NCAM1: variants seen among roughly 807,000 people sequenced by gnomAD.
NCAM1 encodes the protein neural cell adhesion molecule 1.
A neutral mutation model predicts 109.8 loss-of-function variants in NCAM1; 14 were observed. The observed-to-expected ratio is 0.13, with a 90% CI of 0.08 to 0.20. The LOEUF (loss-of-function observed/expected upper bound fraction) is 0.20, where lower values mean the gene tolerates loss of function less well. Ranked by LOEUF, NCAM1 falls within the 10% of genes least tolerant of loss-of-function variation. The pLI, the probability that NCAM1 is intolerant of heterozygous loss-of-function variation, is 1.00. For missense variants in NCAM1, 774 were observed against 1,109.9 expected (o/e 0.70, Z 4.30); for synonymous variants, 418 against 442.9 (o/e 0.94, Z 0.70).
At chr11:112,987,003 A>C (rs1472550993) in intron 1 of NCAM1, among the ~76,000 whole-genome samples, 1 of 151,914 alleles carries the variant, frequency 6.6e-6, no homozygotes, top group African/African-American at 2.4e-5. Flanking sequence ...ACTTCAAACC[A>C]TTATTCTTTT....
At chr11:113,091,392 C>T (rs1172340283) in intron 1 of NCAM1, among the ~76,000 whole-genome samples, 2 of 152,122 alleles carry the variant, frequency 1.3e-5, no homozygotes, top group Admixed American at 6.6e-5. Context: ...CGGACACTTG[C>T]TTTTTCTAGG....
rs923562612 is a variant in NCAM1, at chr11:113,252,427, C to T, written c.1829-3450C>T. ...TCTCAAAAAAAAAAAAAAAAAAAGTCATAGGAAGCATTATGTATCCGTCCA... is the reference window on the plus strand; with the variant it reads ...TCTCAAAAAAAAAAAAAAAAAAAGTTATAGGAAGCATTATGTATCCGTCCA... On this transcript the variant is annotated intron_variant, in intron 15 of 19. Transcript: ENST00000316851. Among the ~76,000 whole-genome samples the T allele has an allele frequency of 2.8e-5, 4 of 144,496 alleles. No individual in the cohort carries two copies. The South Asian group carries it at 9.1e-4, about 33-fold the overall frequency. The allele number at this position is 144,496 out of a possible 152,430, so 94.8% of individuals were successfully genotyped here.
At chr11:113,163,846 G>T (rs1942687589) in intron 1 of NCAM1, among the ~76,000 whole-genome samples, 1 of 152,128 alleles carries the variant, frequency 6.6e-6, no homozygotes, top group Non-Finnish European at 1.5e-5. Flanking sequence ...ATGAGAGCTG[G>T]TCTCAACACC....
chr11:113,131,472 GA>G (rs1941377141), intron 1 of NCAM1, among the ~76,000 whole-genome samples: 1 of 152,230 alleles, frequency 6.6e-6, no homozygotes, highest in African/African-American at 2.4e-5. Context: ...GCTTAAAAGA[GA>G]AAGAGGGATG....
intron 14 of NCAM1, among the ~76,000 whole-genome samples, chr11:113,236,080 GACCCACTGCCCTT>G (rs781879987): frequency 3.3e-5 from 5 of 152,276 alleles, no homozygotes; most frequent in South Asian, 4.2e-4. Flanking sequence ...CCTGCAAAGG[GACCCACTGCCCTT>G]ACCTCTTCCC....
chr11:113,004,366 G>A (rs1326146805), intron 1 of NCAM1, among the ~76,000 whole-genome samples: 2 of 152,034 alleles, frequency 1.3e-5, no homozygotes, highest in South Asian at 2.1e-4. Context: ...GGTGGCACGT[G>A]CCTGTAATCC....
chr11:113,204,259 G>A lies in NCAM1; in HGVS notation c.128-27G>A. 3 of 1,573,676 alleles carry A rather than the reference G, an allele frequency of 1.9e-6. No individual in the cohort carries two copies. In the South Asian group the frequency reaches 3.5e-5, roughly 18 times the overall value. On this transcript the variant is annotated intron_variant, in intron 2 of 19. Transcript: ENST00000316851. ...CTTATTAGTCTTTTCGACTTCAGTAGCTTAAAAATAATCTCTTCCTCTTTA... is the reference window on the plus strand; with the variant it reads ...CTTATTAGTCTTTTCGACTTCAGTAACTTAAAAATAATCTCTTCCTCTTTA...
At chr11:113,007,456 G>T (rs1179923495) in intron 1 of NCAM1, among the ~76,000 whole-genome samples, 1 of 152,140 alleles carries the variant, frequency 6.6e-6, no homozygotes, top group Non-Finnish European at 1.5e-5. Flanking sequence ...TAAAACCACA[G>T]AATTTAAACC....
intron 14 of NCAM1, among the ~76,000 whole-genome samples, chr11:113,244,115 T>A (rs904585152): frequency 6.6e-6 from 1 of 152,198 alleles, no homozygotes; most frequent in Non-Finnish European, 1.5e-5. Context: ...CTTTTCTTAT[T>A]CTACAGTGTC....
intron 1 of NCAM1, among the ~76,000 whole-genome samples, chr11:113,014,068 G>A (rs1952146192): frequency 6.6e-6 from 1 of 152,018 alleles, no homozygotes; most frequent in African/African-American, 2.4e-5. Flanking sequence ...GGGCTTTAGT[G>A]GGGAAGGTAC....
intron 1 of NCAM1, among the ~76,000 whole-genome samples, chr11:113,161,694 A>G (rs1029849628): frequency 1.3e-5 from 2 of 152,190 alleles, no homozygotes; most frequent in Non-Finnish European, 2.9e-5. Flanking sequence ...CTTAAGCATG[A>G]GGATGTAGTA....
intron 15 of NCAM1, among the ~76,000 whole-genome samples, 174 bp from the exon 16 acceptor site, chr11:113,255,703 C>T (rs1488463512): frequency 1.3e-5 from 2 of 151,246 alleles, no homozygotes; most frequent in African/African-American, 2.4e-5. Flanking sequence ...AGTTTGGGCT[C>T]AGTCTGAGGC....
chr11:113,080,815 T>C (rs933095863), intron 1 of NCAM1, among the ~76,000 whole-genome samples: 1 of 152,210 alleles, frequency 6.6e-6, no homozygotes, highest in Non-Finnish European at 1.5e-5. Flanking sequence ...TCATTGTATA[T>C]GTAGTTACCA....
intron 1 of NCAM1, among the ~76,000 whole-genome samples, chr11:113,174,856 T>C (rs1371639157): frequency 6.6e-6 from 1 of 152,040 alleles, no homozygotes; most frequent in Non-Finnish European, 1.5e-5. Flanking sequence ...AGAGGAGACT[T>C]TTGGGGAGTA....
intron 7 of NCAM1, among the ~76,000 whole-genome samples, chr11:113,212,959 C>T (rs1373351052): frequency 6.6e-6 from 1 of 152,164 alleles, no homozygotes; most frequent in Non-Finnish European, 1.5e-5. Flanking sequence ...TATGTGCTAT[C>T]CATCAAAAAA....
At chr11:113,219,557 G>A (rs1253611874) in intron 8 of NCAM1, among the ~76,000 whole-genome samples, 2 of 152,212 alleles carry the variant, frequency 1.3e-5, no homozygotes, top group Admixed American at 6.5e-5. Context: ...TGCATATCAG[G>A]TTGTCCTAAT....
At chr11:113,129,346 T>A (rs1257636791) in intron 1 of NCAM1, among the ~76,000 whole-genome samples, 1 of 152,196 alleles carries the variant, frequency 6.6e-6, no homozygotes, top group Non-Finnish European at 1.5e-5. Context: ...GGTTTCTACA[T>A]AATTTTCTGT....
chr11:113,204,599 G>A (rs1366510490), intron 3 of NCAM1, 95 bp downstream of exon 3: 32 of 1,235,794 alleles, frequency 2.6e-5, no homozygotes, highest in Non-Finnish European at 3.3e-5. Flanking sequence ...AGAAGGACCA[G>A]CTGAGGGCCT....
chr11:113,125,262 C>A (rs902580414), intron 1 of NCAM1, among the ~76,000 whole-genome samples: 1 of 152,154 alleles, frequency 6.6e-6, no homozygotes, highest in Admixed American at 6.5e-5. Context: ...CCAGGCAAGG[C>A]GGTTTCCACT....
Sources: allele counts gnomAD v4.1 joint callset (sites outside exome capture counted in the v4.1 genomes callset), GRCh38; gene constraint gnomAD v4.1.1; transcripts MANE v1.5; gene names NCBI Gene and HGNC (gene_info 2026-07-23, HGNC 2026-07-21).